CXADR: variants seen among roughly 807,000 people sequenced by gnomAD.
CXADR encodes the protein CXADR cell adhesion molecule, also known as coxsackievirus and adenovirus receptor.
Under a neutral mutation model 40.3 loss-of-function variants are expected in CXADR, and 20 were observed. That is an observed-to-expected ratio of 0.50 (90% CI 0.35 to 0.72). The LOEUF is 0.72. Ranked by LOEUF, CXADR falls within the 30% of genes least tolerant of loss-of-function variation. The pLI is 0.01. For synonymous variants in CXADR, 150 were observed against 161.3 expected (o/e 0.93, Z 0.53); for missense variants, 332 against 449.1 (o/e 0.74, Z 2.36).
chr21:17,600,031 A>C, the CXADR span, among the ~76,000 whole-genome samples: 13 of 152,314 alleles, frequency 8.5e-5, no homozygotes, highest in South Asian at 6.2e-4. Context: ...CTCTCATCTT[A>C]ATTTTTTTTA....
At chr21:17,605,198 T>C in the CXADR span, 1 of 529,184 alleles carries the variant, frequency 1.9e-6, no homozygotes. Flanking sequence ...AGATGGCACC[T>C]ATGTGAGCCC....
At chr21:17,524,030 G>A (rs1280435112) in intron 1 of CXADR, among the ~76,000 whole-genome samples, 1 of 145,502 alleles carries the variant, frequency 6.9e-6, no homozygotes, top group Non-Finnish European at 1.5e-5. Flanking sequence ...AGGCGATTTT[G>A]TGTGTGTGTG....
intron 1 of CXADR, among the ~76,000 whole-genome samples, chr21:17,519,654 T>G (rs2060504502): frequency 6.6e-6 from 1 of 152,212 alleles, no homozygotes; most frequent in South Asian, 2.1e-4. Context: ...TCAGCCTTCC[T>G]TATAGTTTAG....
intron 1 of CXADR, among the ~76,000 whole-genome samples, chr21:17,529,656 A>AACATTATG (rs1232976114): frequency 2.0e-5 from 3 of 152,126 alleles, no homozygotes; most frequent in African/African-American, 7.2e-5. Context: ...AAAGCGTTAG[A>AACATTATG]ACATTATGTA....
Position 17,565,789 on chromosome 21 carries a change from T to A in CXADR, c.*97T>A. The A allele has an allele frequency of 2.0e-6, 3 of 1,482,414 alleles. No individual in the cohort carries two copies. Among genetic ancestry groups the A allele is most frequent in the Non-Finnish European group, 2.7e-6 (3 of 1,119,054 alleles). The allele number at this position is 1,482,414 out of a possible 1,614,324, so 91.8% of individuals were successfully genotyped here. A position where few individuals can be genotyped will look rare whatever the true frequency, so the allele number is the denominator to read the frequency against. On this transcript the variant is annotated 3_prime_UTR_variant, in exon 7 of 7. Coordinates refer to ENST00000284878, the MANE Select transcript of CXADR (RefSeq NM_001338.5). ...CTAAATTGTGTTACTAGCCTCAAAATACATCAAAAAATAAGTTAATCAGGA... is the reference window on the plus strand; with the variant it reads ...CTAAATTGTGTTACTAGCCTCAAAAAACATCAAAAAATAAGTTAATCAGGA...
chr21:17,575,997 A>G (rs369665743), intron 7 of CXADR, among the ~76,000 whole-genome samples: 6 of 150,600 alleles, frequency 4.0e-5, no homozygotes, highest in African/African-American at 1.2e-4. Flanking sequence ...CTGAGGCAGG[A>G]GAATCACTTG....
At chr21:17,524,851 G>A (rs2060579096) in intron 1 of CXADR, among the ~76,000 whole-genome samples, 1 of 152,096 alleles carries the variant, frequency 6.6e-6, no homozygotes, top group Admixed American at 6.5e-5. Context: ...CAAGGCTGCA[G>A]TGAGCTATGA....
chr21:17,603,039 G>A, the CXADR span, among the ~76,000 whole-genome samples: 1 of 152,088 alleles, frequency 6.6e-6, no homozygotes, highest in Non-Finnish European at 1.5e-5. Flanking sequence ...GGTAGCGTCT[G>A]ACTCATCAAC....
At chr21:17,611,662 G>C in the CXADR span, 1 of 152,196 alleles carries the variant, frequency 6.6e-6, no homozygotes, top group East Asian at 1.9e-4. Flanking sequence ...CCCACACTCA[G>C]AGCAAAAGGC....
the CXADR span, among the ~76,000 whole-genome samples, chr21:17,627,217 G>A: frequency 5.9e-5 from 9 of 152,128 alleles, no homozygotes; most frequent in African/African-American, 2.2e-4. Context: ...TTAGCCAGGC[G>A]TGGTGGCTCA....
At chr21:17,560,238 T>C (rs1016653746) in intron 4 of CXADR, among the ~76,000 whole-genome samples, 21 of 152,322 alleles carry the variant, frequency 1.4e-4, no homozygotes, top group African/African-American at 4.8e-4. Context: ...TCCTGGTCTT[T>C]AGTAGGTTTT....
In CXADR at chr21:17,566,062, T is replaced by C; in HGVS notation, c.*370T>C. On this transcript the variant is annotated 3_prime_UTR_variant, in exon 7 of 7. Transcript: ENST00000284878. ...TACTTGAATAACCATCTGAAAGTGG[T>C]ACTTGATCATTTTTACCATTATTTT... 3.0e-6 allele frequency: 3 copies of C among 992,138 alleles called. No homozygotes were observed. The highest frequency in any genetic ancestry group is 3.6e-6 in the Non-Finnish European group (3 of 834,364). The allele number at this position is 992,138 out of a possible 1,614,324, so 61.5% of individuals were successfully genotyped here. A position where few individuals can be genotyped will look rare whatever the true frequency, so the allele number is the denominator to read the frequency against.
chr21:17,539,861 C>T (rs1048226200), intron 1 of CXADR, among the ~76,000 whole-genome samples: 23 of 152,250 alleles, frequency 1.5e-4, no homozygotes, highest in South Asian at 1.0e-3. Context: ...CCTTCATGTC[C>T]AGTTGAACAG....
At chr21:17,519,383 C>T (rs891431601) in intron 1 of CXADR, among the ~76,000 whole-genome samples, 11 of 152,254 alleles carry the variant, frequency 7.2e-5, no homozygotes, top group African/African-American at 2.4e-4. Flanking sequence ...TCATCACTCT[C>T]TCCCTTCTCA....
chr21:17,540,586 G>A (rs2060814668), intron 1 of CXADR, among the ~76,000 whole-genome samples: 1 of 152,186 alleles, frequency 6.6e-6, no homozygotes, highest in Non-Finnish European at 1.5e-5. Flanking sequence ...TCTGAGGTAG[G>A]TGAGCTTGAA....
At chr21:17,631,801 G>A in the CXADR span, among the ~76,000 whole-genome samples, 9 of 152,000 alleles carry the variant, frequency 5.9e-5, no homozygotes, top group East Asian at 3.9e-4. Flanking sequence ...CTACCCCTAC[G>A]TGTGGTAGAC....
At chr21:17,593,224 T>C in exon 8 of CXADR, 1 of 1,393,620 alleles carries the variant, frequency 7.2e-7, no homozygotes, top group Non-Finnish European at 9.4e-7. Flanking sequence ...TGAAGTATTG[T>C]ATTATTTGAC....
chr21:17,601,177 A>G, the CXADR span, among the ~76,000 whole-genome samples: 2 of 147,840 alleles, frequency 1.4e-5, no homozygotes, highest in Non-Finnish European at 3.0e-5. Context: ...AAAAAAAAAA[A>G]GTTGCTACGG....
chr21:17,567,390 G>C lies in CXADR; in HGVS notation c.*1698G>C, dbSNP rs2643075. 1.0e-6 allele frequency: 1 copy of C among 984,108 alleles called. No homozygotes were observed. Among genetic ancestry groups the C allele is most frequent in the African/African-American group, 1.7e-5 (1 of 57,174 alleles). 61.0% of individuals were successfully genotyped at this position (984,108 alleles called of 1,614,324 possible). A position where few individuals can be genotyped will look rare whatever the true frequency, so the allele number is the denominator to read the frequency against. The stretch of plus-strand genomic sequence containing the variant: ...CTTATGTAAAATTACTTTTATACTC[G>C]TGTTAACATTTTCATCTGTGCCTTT... On this transcript the variant is annotated 3_prime_UTR_variant, in exon 7 of 7. Transcript: ENST00000284878.
Sources: gnomAD v4.1 joint callset for allele counts (sites outside exome capture counted in the v4.1 genomes callset) on GRCh38, gnomAD v4.1.1 for gene constraint, MANE v1.5 for transcripts, NCBI Gene and HGNC (gene_info 2026-07-23, HGNC 2026-07-21) for gene names.